Variants in SOX5 observed in about 807,000 individuals in gnomAD.
SOX5 encodes the protein SRY-box transcription factor 5, also known as transcription factor SOX-5.
In SOX5, 9 loss-of-function variants were observed where a neutral mutation model predicts 92.0. The ratio of observed to expected loss-of-function variants is 0.10; its 90% CI spans 0.06 to 0.17. The LOEUF is 0.17. Ranked by LOEUF, SOX5 falls within the 10% of genes least tolerant of loss-of-function variation. The pLI, the probability that SOX5 is intolerant of heterozygous loss-of-function variation, is 1.00. For synonymous variants in SOX5, 344 were observed against 336.3 expected, an observed-to-expected ratio of 1.02 and a Z score of -0.25; for missense variants, 642 against 944.5, an observed-to-expected ratio of 0.68 and a Z score of 4.20.
intron 1 of SOX5, among the ~76,000 whole-genome samples, chr12:24,540,776 TG>T (rs1952051259): frequency 6.6e-6 from 1 of 152,172 alleles, no homozygotes; most frequent in African/African-American, 2.4e-5. Context: ...AACATTAATA[TG>T]AATGCATAAA....
At chr12:23,836,185 T>C (rs1387438440) in intron 3 of SOX5, among the ~76,000 whole-genome samples, 4 of 151,890 alleles carry the variant, frequency 2.6e-5, no homozygotes, top group South Asian at 2.1e-4. Flanking sequence ...TTAAATTTCA[T>C]TGTCACTCTT....
intron 1 of SOX5, among the ~76,000 whole-genome samples, chr12:24,412,668 A>G (rs1964313615): frequency 6.6e-6 from 1 of 152,076 alleles, no homozygotes; most frequent in African/African-American, 2.4e-5. Context: ...TAGTTCTTTT[A>G]AATTTATTGA....
At chr12:24,260,288 T>C (rs1460171930) in intron 3 of SOX5, among the ~76,000 whole-genome samples, 1 of 152,182 alleles carries the variant, frequency 6.6e-6, no homozygotes, top group African/African-American at 2.4e-5. Context: ...TAGTACTGAG[T>C]TATATGGGAA....
At position 23,635,439 on chromosome 12, in the gene SOX5, G is replaced by A. The variant is rs374008144; in HGVS notation, c.1017+5373C>T. On this transcript the variant is annotated intron_variant, in intron 8 of 14. Coordinates refer to ENST00000451604, the MANE Select transcript of SOX5 (RefSeq NM_006940.6). ...AAGGACAGAAAACCAAACACCACAT[G>A]TTCTCACTCACAGGTGGGAACTGAA... 5.3e-5 allele frequency among the ~76,000 whole-genome samples: 8 copies of A among 152,044 alleles called. No individual in the cohort carries two copies. The South Asian group carries it at 1.2e-3, about 24-fold the overall frequency.
At chr12:24,541,978 C>T (rs1318308602) in intron 1 of SOX5, among the ~76,000 whole-genome samples, 1 of 152,188 alleles carries the variant, frequency 6.6e-6, no homozygotes, top group East Asian at 1.9e-4. Flanking sequence ...ACTTAGGCTA[C>T]TAGGATCACT....
chr12:23,851,391 A>G (rs1165171794), intron 2 of SOX5, among the ~76,000 whole-genome samples: 8 of 152,200 alleles, frequency 5.3e-5, no homozygotes, highest in African/African-American at 1.7e-4. Context: ...ATGTTCCTAA[A>G]AATGAGATGT....
rs1212480094 is a variant in SOX5, at chr12:23,532,099, T to C, written c.*2120A>G. On this transcript the variant is annotated 3_prime_UTR_variant, in exon 15 of 15. Transcript: ENST00000451604. ...CTAATCTGGGAACAGCTGACCATTA[T>C]TATTATTATTACTATTATTATTATT... is the stretch of plus-strand genomic sequence containing the variant. 1 of 151,168 alleles carries C rather than the reference T, an allele frequency of 6.6e-6. No individual in the cohort carries two copies. Among genetic ancestry groups the C allele is most frequent in the African/African-American group, 2.4e-5 (1 of 41,226 alleles). The allele number at this position is 151,168 out of a possible 1,614,324, so 9.4% of individuals were successfully genotyped here. A position where few individuals can be genotyped will look rare whatever the true frequency, so the allele number is the denominator to read the frequency against.
At chr12:24,041,293 T>C (rs1569517658) in intron 4 of SOX5, among the ~76,000 whole-genome samples, 2 of 152,202 alleles carry the variant, frequency 1.3e-5, no homozygotes, top group Admixed American at 6.5e-5. Context: ...GATATTCATA[T>C]AGTTTCAGTG....
intron 6 of SOX5, among the ~76,000 whole-genome samples, chr12:23,727,100 T>C (rs778538158): frequency 3.9e-5 from 6 of 152,064 alleles, no homozygotes; most frequent in Non-Finnish European, 8.8e-5. Context: ...AGAAAAAATG[T>C]CCTTCCATTA....
Position 24,336,064 on chromosome 12 carries a change from T to C in SOX5, c.-174+32499A>G, listed in dbSNP as rs558458136. Among the ~76,000 whole-genome samples the C allele has an allele frequency of 4.1e-5, 6 of 146,416 alleles. No homozygotes were observed. In the East Asian group the frequency reaches 1.0e-3, roughly 25 times the overall value. On this transcript the variant is annotated intron_variant, in intron 2 of 4. Transcript: ENST00000446891. ...TAAATTTAGACCTGAAAATAAAATATGGGGATACGTTTTTTTTGTGTGTTT... is the reference window on the plus strand; with the variant it reads ...TAAATTTAGACCTGAAAATAAAATACGGGGATACGTTTTTTTTGTGTGTTT...
At chr12:24,058,345 T>C (rs1047315680) in intron 4 of SOX5, among the ~76,000 whole-genome samples, 4 of 152,260 alleles carry the variant, frequency 2.6e-5, no homozygotes, top group African/African-American at 7.2e-5. Context: ...ACAATGCTAC[T>C]ATTTACAATG....
intron 6 of SOX5, among the ~76,000 whole-genome samples, chr12:23,692,416 G>A (rs2089009913): frequency 1.4e-5 from 2 of 141,302 alleles, no homozygotes; most frequent in South Asian, 4.5e-4. Flanking sequence ...CAGCCTGGGC[G>A]ACAGAGTGAG....
chr12:23,823,107 C>T (rs1442298479), intron 3 of SOX5, among the ~76,000 whole-genome samples: 1 of 152,100 alleles, frequency 6.6e-6, no homozygotes, highest in African/African-American at 2.4e-5. Flanking sequence ...GCCATTTAGC[C>T]CATTTACATT....
At chr12:24,522,669 C>T (rs1241417682) in intron 1 of SOX5, among the ~76,000 whole-genome samples, 2 of 152,080 alleles carry the variant, frequency 1.3e-5, no homozygotes, top group Non-Finnish European at 2.9e-5. Context: ...GAATAAAAAT[C>T]ACATGAGCAT....
At chr12:23,749,243 C>T (rs1291468596) in intron 4 of SOX5, among the ~76,000 whole-genome samples, 1 of 151,782 alleles carries the variant, frequency 6.6e-6, no homozygotes, top group Non-Finnish European at 1.5e-5. Context: ...TTCTTTACTG[C>T]AATATAGATA....
chr12:24,367,043 A>T (rs1300521876), intron 2 of SOX5, among the ~76,000 whole-genome samples: 1 of 152,184 alleles, frequency 6.6e-6, no homozygotes, highest in African/African-American at 2.4e-5. Context: ...GCTTAGACAC[A>T]TATAAGAAAA....
At chr12:24,217,799 T>A (rs768434748) in intron 3 of SOX5, among the ~76,000 whole-genome samples, 1 of 152,154 alleles carries the variant, frequency 6.6e-6, no homozygotes, top group Non-Finnish European at 1.5e-5. Flanking sequence ...AACTCTATAA[T>A]GAAAAGTCAA....
intron 1 of SOX5, among the ~76,000 whole-genome samples, chr12:23,944,554 T>C (rs1337087352): frequency 6.6e-6 from 1 of 152,160 alleles, no homozygotes; most frequent in African/African-American, 2.4e-5. Flanking sequence ...CACTATCAGT[T>C]CCTGATCATA....
chr12:24,045,610 T>G (rs1956919075), intron 4 of SOX5, among the ~76,000 whole-genome samples: 1 of 152,148 alleles, frequency 6.6e-6, no homozygotes, highest in Non-Finnish European at 1.5e-5. Context: ...GAAGACAACC[T>G]TCTTAAAGAC....
Sources: gnomAD v4.1 joint callset for allele counts (sites outside exome capture counted in the v4.1 genomes callset) on GRCh38, gnomAD v4.1.1 for gene constraint, MANE v1.5 for transcripts, NCBI Gene and HGNC (gene_info 2026-07-23, HGNC 2026-07-21) for gene names.